The following CACNA1G variants were observed in gnomAD, a reference collection of about 807,000 sequenced individuals.
CACNA1G encodes calcium voltage-gated channel subunit alpha1 G, also known as voltage-dependent T-type calcium channel subunit alpha-1G.
CACNA1G carries 67 observed loss-of-function variants against 219.4 expected under a neutral mutation model. The ratio of observed to expected loss-of-function variants is 0.31; its 90% CI spans 0.25 to 0.37. CACNA1G has a LOEUF of 0.37. CACNA1G is among the 10% of genes least tolerant of loss of function. The pLI, the probability that CACNA1G is intolerant of heterozygous loss-of-function variation, is 1.00. For missense variants in CACNA1G, 2,380 were observed against 3,231.4 expected (o/e 0.74, Z 6.39); for synonymous variants, 1,296 against 1,345.3 (o/e 0.96, Z 0.80).
intron 25 of CACNA1G, among the ~76,000 whole-genome samples, chr17:50,609,404 G>A (rs745918302): frequency 4.1e-4 from 63 of 152,154 alleles, no homozygotes; most frequent in Admixed American, 1.3e-3. Flanking sequence ...GTCCGGGTTC[G>A]GCTTCCCTGT....
chr17:50,610,729 AC>A lies in CACNA1G; in HGVS notation c.4759+795del, dbSNP rs1292061465. On this transcript the variant is annotated intron_variant, in intron 26 of 37. Coordinates refer to ENST00000359106, the MANE Select transcript of CACNA1G (RefSeq NM_018896.5). ...AGGCCCCCAGTTATCATCTCCTCCAACAGACTTCACACTTTAGAAGGCTGTC... is the reference window on the plus strand; with the variant it reads ...AGGCCCCCAGTTATCATCTCCTCCAAAGACTTCACACTTTAGAAGGCTGTC... Among the ~76,000 whole-genome samples the A allele has an allele frequency of 2.0e-5, 3 of 152,216 alleles. No homozygotes were observed. In the East Asian group the frequency reaches 5.8e-4, roughly 29 times the overall value.
intron 13 of CACNA1G, among the ~76,000 whole-genome samples, chr17:50,592,973 G>A (rs1054070860): frequency 6.6e-6 from 1 of 152,224 alleles, no homozygotes; most frequent in African/African-American, 2.4e-5. Flanking sequence ...TCAAGGGAGG[G>A]CTTTTCCCTG....
At chr17:50,610,461 C>A (rs2048967127) in intron 26 of CACNA1G, among the ~76,000 whole-genome samples, 1 of 152,140 alleles carries the variant, frequency 6.6e-6, no homozygotes, top group African/African-American at 2.4e-5. Flanking sequence ...CCTGAGTTGG[C>A]CACGAGCTTC....
Position 50,562,932 on chromosome 17 carries a change from G to C in CACNA1G, c.242+1231G>C, listed in dbSNP as rs1038508864. Among the ~76,000 whole-genome samples the C allele has an allele frequency of 3.9e-5, 6 of 151,964 alleles. No individual in the cohort carries two copies. In the South Asian group the frequency reaches 6.2e-4, roughly 16 times the overall value. On this transcript the variant is annotated intron_variant, in intron 1 of 37. Transcript: ENST00000359106. ...AAGCTCCCTGGCGGGTCCTGCCACC[G>C]GGGGAAGGAAAGGTGGAGGGGAGGT...
chr17:50,617,991 G>C lies in CACNA1G; in HGVS notation c.5227-57G>C, dbSNP rs1289429288. On this transcript the variant is annotated intron_variant, in intron 30 of 37. Transcript: ENST00000359106. This position sits in a 1 kb window ranked among gnomAD's most constrained non-coding sequence, Gnocchi z 5.8. ...GTGCTTTCCAGAGGGAAGGGGCTCA[G>C]AGAAGCTGACTGGGAGACCCAGCGG... is the stretch of plus-strand genomic sequence containing the variant. The C allele has an allele frequency of 5.0e-6, 8 of 1,612,822 alleles. No homozygotes were observed. In the Admixed American group the frequency reaches 1.3e-4, roughly 27 times the overall value.
At chr17:50,581,388 G>T (rs576115603) in intron 9 of CACNA1G, among the ~76,000 whole-genome samples, 1 of 151,964 alleles carries the variant, frequency 6.6e-6, no homozygotes, top group South Asian at 2.1e-4. Flanking sequence ...TCCCGGAATC[G>T]ATTGGATGGG....
chr17:50,566,473 G>A (rs1490041018), intron 1 of CACNA1G, among the ~76,000 whole-genome samples: 1 of 152,206 alleles, frequency 6.6e-6, no homozygotes, highest in South Asian at 2.1e-4. Context: ...TTAAGAAGGG[G>A]CTGACATGAT....
intron 9 of CACNA1G, among the ~76,000 whole-genome samples, chr17:50,589,566 C>G (rs892139617): frequency 6.6e-6 from 1 of 152,120 alleles, no homozygotes; most frequent in Non-Finnish European, 1.5e-5. Context: ...ATATTGAAAG[C>G]GAGGTCACTA....
rs772107682 is a variant in CACNA1G, at chr17:50,617,752, C to T, written c.5156-107C>T. The T allele has an allele frequency of 5.4e-5, 78 of 1,439,028 alleles. No homozygotes were observed. The highest frequency in any genetic ancestry group is 6.6e-5 in the Non-Finnish European group (69 of 1,046,348). The allele number at this position is 1,439,028 out of a possible 1,614,324, so 89.1% of individuals were successfully genotyped here. On this transcript the variant is annotated intron_variant, in intron 29 of 37. Coordinates refer to ENST00000359106, the MANE Select transcript of CACNA1G (RefSeq NM_018896.5). This position sits in a 1 kb window ranked among gnomAD's most constrained non-coding sequence, Gnocchi z 5.8. ...GGATGGGGATGCAACCTGGCTGGCC[C>T]GGAGATGGCCATCCCAGCAGCCCCA...
At chr17:50,610,672 C>T (rs2049010391) in intron 26 of CACNA1G, among the ~76,000 whole-genome samples, 1 of 152,070 alleles carries the variant, frequency 6.6e-6, no homozygotes, top group Admixed American at 6.5e-5. Flanking sequence ...CACTATGTCT[C>T]CAGCTGGTGG....
At chr17:50,568,117 G>C (rs2038418772) in intron 1 of CACNA1G, among the ~76,000 whole-genome samples, 1 of 152,162 alleles carries the variant, frequency 6.6e-6, no homozygotes, top group South Asian at 2.1e-4. Context: ...GTGGAAGAGG[G>C]AGCCCCGGGC....
At chr17:50,620,174 G>A (rs2051477721) in intron 34 of CACNA1G, among the ~76,000 whole-genome samples, 1 of 152,138 alleles carries the variant, frequency 6.6e-6, no homozygotes, top group African/African-American at 2.4e-5. Flanking sequence ...TGGAGGGAAG[G>A]AGGTATCAGA....
At chr17:50,610,572 C>T (rs981113828) in intron 26 of CACNA1G, among the ~76,000 whole-genome samples, 1 of 152,136 alleles carries the variant, frequency 6.6e-6, no homozygotes, top group Non-Finnish European at 1.5e-5. Context: ...TCCATGGTCC[C>T]TCGGTCCCCT....
At chr17:50,569,843 CAG>C in intron 4 of CACNA1G, 40 bp downstream of exon 4, 1 of 1,465,536 alleles carries the variant, frequency 6.8e-7, no homozygotes, top group East Asian at 2.5e-5. Flanking sequence ...AAGAGAGCCC[CAG>C]GAGGAAATGT....
In CACNA1G at chr17:50,626,111, G is replaced by A. The variant is rs1187050651; in HGVS notation, c.6494G>A (p.Arg2165Gln). Residue 2165 changes from arginine to glutamine, a missense_variant, in exon 38 of 38, where the codon CGG becomes CAG. Arg to Gln is a conservative substitution (Grantham distance 43). Coordinates refer to ENST00000359106, the MANE Select transcript of CACNA1G (RefSeq NM_018896.5). This position sits in a 1 kb window ranked among gnomAD's most constrained non-coding sequence, Gnocchi z 4.3. ...AGTGGGCCCTCCCCGCCCCTGGCCC[G>A]GGCCTACTCTTTCTGGGGCCAGTCA... is the stretch of plus-strand genomic sequence containing the variant. Reference protein sequence around the residue: ...EVSGPSPPLARAYSFWGQSST... With the variant: ...EVSGPSPPLAQAYSFWGQSST... The A allele has an allele frequency of 5.6e-6, 9 of 1,613,550 alleles. No individual in the cohort carries two copies. Among genetic ancestry groups the A allele is most frequent in the South Asian group, 1.1e-5 (1 of 91,062 alleles).
chr17:50,622,794 C>T (rs2052489746), intron 35 of CACNA1G, among the ~76,000 whole-genome samples: 1 of 152,194 alleles, frequency 6.6e-6, no homozygotes, highest in Non-Finnish European at 1.5e-5. Flanking sequence ...CCACTCCCAC[C>T]CCGAGTCTGT....
At chr17:50,614,158 C>T (rs970473231) in intron 26 of CACNA1G, among the ~76,000 whole-genome samples, 31 of 152,170 alleles carry the variant, frequency 2.0e-4, no homozygotes, top group Admixed American at 2.0e-3. Context: ...CACCCCAGGC[C>T]GCTCCTTGCC....
intron 19 of CACNA1G, 107 bp downstream of exon 19, chr17:50,601,281 G>T: frequency 7.4e-7 from 1 of 1,357,398 alleles, no homozygotes; most frequent in Non-Finnish European, 1.0e-6. Context: ...TCACACAGCA[G>T]GGAACGAGGG....
rs750653070 is a variant in CACNA1G, at chr17:50,606,917, C to T, written c.4440C>T (p.Phe1480=). The T allele has an allele frequency of 3.1e-6, 5 of 1,613,448 alleles. No individual in the cohort carries two copies. Among genetic ancestry groups the T allele is most frequent in the South Asian group, 1.1e-5 (1 of 91,060 alleles). Residue 1480 remains phenylalanine, a synonymous_variant, in exon 24 of 38, where the codon TTC becomes TTT. Coordinates refer to ENST00000359106, the MANE Select transcript of CACNA1G (RefSeq NM_018896.5). ...CCCATCAGGCCCTGATGTCCCTGTT[C>T]GTTTTGGCCTCCAAGGATGGTTGGG... ...DNLGQALMSL[F]VLASKDGWVD... is the part of the protein sequence containing the mutation.
Sources: gnomAD v4.1 joint callset for allele counts (sites outside exome capture counted in the v4.1 genomes callset) on GRCh38, gnomAD v4.1.1 for gene constraint, Gnocchi (gnomAD v3.1) non-coding constraint, MANE v1.5 for transcripts, NCBI Gene and HGNC (gene_info 2026-07-23, HGNC 2026-07-21) for gene names.